Variants in CCNY observed in about 807,000 individuals in gnomAD.
The protein encoded by CCNY is cyclin Y.
Under a neutral mutation model 42.8 loss-of-function variants are expected in CCNY, and 19 were observed. That is an observed-to-expected ratio of 0.44 (90% CI 0.31 to 0.65). The LOEUF is 0.65. Ranked by LOEUF, CCNY falls within the 30% of genes least tolerant of loss-of-function variation. The pLI, the probability that CCNY is intolerant of heterozygous loss-of-function variation, is 0.07. For missense variants in CCNY, 370 were observed against 437.3 expected (o/e 0.85, Z 1.37); for synonymous variants, 165 against 162.7 (o/e 1.01, Z -0.11).
At chr10:35,263,139 G>A (rs1293445690) in intron 3 of CCNY, among the ~76,000 whole-genome samples, 2 of 151,840 alleles carry the variant, frequency 1.3e-5, no homozygotes, top group African/African-American at 4.8e-5. Context: ...GGTGGATCAC[G>A]AGGTTAGGGG....
intron 1 of CCNY, among the ~76,000 whole-genome samples, chr10:35,349,928 G>A (rs901688770): frequency 6.6e-6 from 1 of 152,218 alleles, no homozygotes; most frequent in African/African-American, 2.4e-5. Flanking sequence ...AATTTGCAGT[G>A]GTTCTGCTTT....
chr10:35,369,566 T>C (rs1397814111), intron 1 of CCNY, among the ~76,000 whole-genome samples: 1 of 152,242 alleles, frequency 6.6e-6, no homozygotes, highest in East Asian at 1.9e-4. Context: ...TATATCCTTT[T>C]TGAGAAAACT....
At chr10:35,413,684 G>A (rs1837961968) in intron 1 of CCNY, among the ~76,000 whole-genome samples, 1 of 152,208 alleles carries the variant, frequency 6.6e-6, no homozygotes, top group Non-Finnish European at 1.5e-5. Context: ...GTGATGTACT[G>A]TGTGGAGGAG....
intron 1 of CCNY, among the ~76,000 whole-genome samples, chr10:35,341,143 C>T (rs1326055089): frequency 6.6e-6 from 1 of 152,168 alleles, no homozygotes; most frequent in Non-Finnish European, 1.5e-5. Context: ...TCGCTGGGGC[C>T]CCTTGGGATC....
chr10:35,516,959 A>G (rs1460151725), intron 4 of CCNY, among the ~76,000 whole-genome samples: 1 of 152,060 alleles, frequency 6.6e-6, no homozygotes, highest in Non-Finnish European at 1.5e-5. Flanking sequence ...CTACCCTTGC[A>G]CTTTTTATTG....
chr10:35,291,683 C>T (rs1003801752), intron 3 of CCNY, among the ~76,000 whole-genome samples: 8 of 151,830 alleles, frequency 5.3e-5, no homozygotes, highest in Non-Finnish European at 7.4e-5. Flanking sequence ...ATTACAGGCA[C>T]GCACCACCAT....
At chr10:35,557,656 T>C (rs747327265) in intron 8 of CCNY, among the ~76,000 whole-genome samples, 2 of 152,096 alleles carry the variant, frequency 1.3e-5, no homozygotes, top group Non-Finnish European at 2.9e-5. Context: ...CTCAGGAGGC[T>C]GAGGCAGGAG....
rs192933677 is a variant in CCNY at position 35,379,360 on chromosome 10, G to C, written c.154+42153G>C. On this transcript the variant is annotated intron_variant, in intron 1 of 9. Transcript: ENST00000374704. The stretch of plus-strand genomic sequence containing the variant: ...GAGGGGGCCCCAGGCTTTCTTATCA[G>C]CTTGCCCAGATGGGGGCAGAAGGGG... 1.4e-4 allele frequency among the ~76,000 whole-genome samples: 21 copies of C among 152,306 alleles called. No homozygotes were observed. The East Asian group carries it at 3.9e-3, about 28-fold the overall frequency.
At chr10:35,468,638 C>T (rs932849911) in intron 1 of CCNY, among the ~76,000 whole-genome samples, 1 of 152,102 alleles carries the variant, frequency 6.6e-6, no homozygotes, top group African/African-American at 2.4e-5. Context: ...AGTCATGAGA[C>T]TATTTTTTCC....
At chr10:35,516,490 A>T in intron 3 of CCNY, 33 bp from the exon 4 acceptor site, 1 of 1,434,570 alleles carries the variant, frequency 7.0e-7, no homozygotes, top group Non-Finnish European at 9.8e-7. Flanking sequence ...AGCCCTGTGT[A>T]ATTGCCTTAA....
At chr10:35,384,421 T>C (rs546998475) in intron 1 of CCNY, among the ~76,000 whole-genome samples, 2 of 152,300 alleles carry the variant, frequency 1.3e-5, no homozygotes, top group East Asian at 3.9e-4. Flanking sequence ...ACACTTTACC[T>C]AGATAAGGTG....
chr10:35,270,510 T>C (rs568510025), intron 3 of CCNY, among the ~76,000 whole-genome samples: 1 of 152,326 alleles, frequency 6.6e-6, no homozygotes, highest in East Asian at 1.9e-4. Context: ...TTTCAGATTT[T>C]GTTCTCACTA....
intron 1 of CCNY, among the ~76,000 whole-genome samples, chr10:35,247,915 A>C (rs2095709357): frequency 6.6e-6 from 1 of 151,020 alleles, no homozygotes. Flanking sequence ...AGAAAGAAAG[A>C]AAAGAATAAA....
At position 35,342,891 on chromosome 10, in the gene CCNY, C is replaced by A. The variant is rs189580307; in HGVS notation, c.154+5684C>A. ...GAATGATCCGTGTCTAGAATCTGAA[C>A]CTCCTGATGGCCTGGCCCAGCCCAC... On this transcript the variant is annotated intron_variant, in intron 1 of 9. Transcript: ENST00000374704. Among the ~76,000 whole-genome samples the A allele has an allele frequency of 2.5e-3, 375 of 152,202 alleles. 1 individual carries two copies. The highest frequency in any genetic ancestry group is 3.7e-3 in the Admixed American group (57 of 15,286).
At chr10:35,456,124 T>C (rs1433316268) in intron 1 of CCNY, among the ~76,000 whole-genome samples, 1 of 152,186 alleles carries the variant, frequency 6.6e-6, no homozygotes, top group African/African-American at 2.4e-5. Context: ...GACAATTGTA[T>C]GTACTGGTGT....
intron 1 of CCNY, among the ~76,000 whole-genome samples, chr10:35,449,026 TAGTGACTG>T (rs1039943966): frequency 6.6e-6 from 1 of 151,838 alleles, no homozygotes; most frequent in African/African-American, 2.4e-5. Context: ...AGTTGCTCCT[TAGTGACTG>T]ATGTAGACTG....
chr10:35,276,148 C>T (rs1431278026), intron 3 of CCNY, among the ~76,000 whole-genome samples: 1 of 152,184 alleles, frequency 6.6e-6, no homozygotes, highest in Non-Finnish European at 1.5e-5. Context: ...GGGATCGTGA[C>T]TTACTGCAGT....
chr10:35,470,821 T>A (rs542860094), intron 1 of CCNY, among the ~76,000 whole-genome samples: 1 of 152,298 alleles, frequency 6.6e-6, no homozygotes, highest in Non-Finnish European at 1.5e-5. Context: ...ATGGAGATAA[T>A]CACTGATTGT....
rs57561593 is a variant in CCNY, at chr10:35,381,565, CAAAAAAAA to C, written c.154+44368_154+44375del. On this transcript the variant is annotated intron_variant, in intron 1 of 9. Coordinates refer to ENST00000374704, the MANE Select transcript of CCNY (RefSeq NM_145012.6). Reference sequence around the variant, plus strand: ...TGGGTGACAGAGTGAGACTCCGTCTCAAAAAAAAAAAAAAAAAGAAATACTGTATGCAA... The same window carrying C: ...TGGGTGACAGAGTGAGACTCCGTCTCAAAAAAAAAGAAATACTGTATGCAA... 6.2e-3 allele frequency among the ~76,000 whole-genome samples: 431 copies of C among 69,730 alleles called. 1 individual carries two copies. The highest frequency in any genetic ancestry group is 0.019 in the African/African-American group (384 of 19,888). The allele number at this position is 69,730 out of a possible 152,430, so 45.7% of individuals were successfully genotyped here. A position where few individuals can be genotyped will look rare whatever the true frequency, so the allele number is the denominator to read the frequency against.
Sources: gnomAD v4.1 joint callset for allele counts (sites outside exome capture counted in the v4.1 genomes callset) on GRCh38, gnomAD v4.1.1 for gene constraint, MANE v1.5 for transcripts, NCBI Gene and HGNC (gene_info 2026-07-23, HGNC 2026-07-21) for gene names.